Variants in FKBP5 observed in about 807,000 individuals in gnomAD.
FKBP5 encodes the protein peptidyl-prolyl cis-trans isomerase FKBP5.
Under a neutral mutation model 50.5 loss-of-function variants are expected in FKBP5, and 23 were observed. The observed-to-expected ratio is 0.46, with a 90% CI of 0.33 to 0.65. The LOEUF is 0.65. Among genes scored for constraint, FKBP5 ranks in the 30% least tolerant of loss-of-function variants. The probability of loss-of-function intolerance (pLI) is 0.02; values close to 1 mark genes in which losing one functional copy is unlikely to be tolerated. For missense variants in FKBP5, 411 were observed against 553.1 expected, an observed-to-expected ratio of 0.74 and a Z score of 2.58; for synonymous variants, 176 against 190.6, an observed-to-expected ratio of 0.92 and a Z score of 0.63.
chr6:35,586,213 G>A (rs766262012), intron 8 of FKBP5: 9 of 984,812 alleles, frequency 9.1e-6, no homozygotes, highest in Non-Finnish European at 1.1e-5. Flanking sequence ...ATGAAGGGCG[G>A]TTTCTTTTTT....
intron 1 of FKBP5, among the ~76,000 whole-genome samples, chr6:35,682,657 GA>G (rs1414020850): frequency 6.6e-6 from 1 of 151,838 alleles, no homozygotes; most frequent in Non-Finnish European, 1.5e-5. Context: ...CTACAAAAGG[GA>G]AAAAACAACC....
At chr6:35,719,787 A>G (rs1033980932) in intron 2 of FKBP5, among the ~76,000 whole-genome samples, 3 of 152,356 alleles carry the variant, frequency 2.0e-5, no homozygotes, top group Admixed American at 6.5e-5. Context: ...CCATCAGTTC[A>G]ACCCCAAGCT....
At chr6:35,633,533 A>T in intron 3 of FKBP5, among the ~76,000 whole-genome samples, 1 of 127,458 alleles carries the variant, frequency 7.8e-6, no homozygotes. Context: ...ACAGAGTGAG[A>T]TTCCATCTCA....
At chr6:35,717,853 G>C (rs980835424) in intron 2 of FKBP5, among the ~76,000 whole-genome samples, 10 of 152,220 alleles carry the variant, frequency 6.6e-5, no homozygotes, top group Non-Finnish European at 1.5e-4. Context: ...GCTCCAGCCT[G>C]GGCTGGCATG....
chr6:35,687,138 C>T (rs78546045), intron 1 of FKBP5, among the ~76,000 whole-genome samples: 5,399 of 151,644 alleles, frequency 0.036, 303 homozygotes, highest in African/African-American at 0.12. Context: ...TTGTTCTTAA[C>T]TTAAACTTAA....
intron 5 of FKBP5, among the ~76,000 whole-genome samples, chr6:35,616,830 AT>A (rs1763675585): frequency 6.6e-6 from 1 of 152,116 alleles, no homozygotes; most frequent in South Asian, 2.1e-4. Flanking sequence ...TACATTTGAA[AT>A]TTTTCATAAG....
upstream of FKBP5, among the ~76,000 whole-genome samples, chr6:35,693,248 C>T (rs1399100040): frequency 2.7e-5 from 4 of 149,038 alleles, no homozygotes; most frequent in Non-Finnish European, 4.4e-5. Context: ...CTGCAAGCTC[C>T]GCCTTCCAGG....
chr6:35,685,982 C>CAAAAAAAAAAAAAAAAAAAAAA (rs60786619), intron 1 of FKBP5, among the ~76,000 whole-genome samples: 1 of 46,244 alleles, frequency 2.2e-5, no homozygotes. Flanking sequence ...AACGCCATCT[C>CAAAAAAAAAAAAAAAAAAAAAA]AAAAAAAAAA....
intron 5 of FKBP5, among the ~76,000 whole-genome samples, chr6:35,617,073 G>T (rs892371737): frequency 1.3e-5 from 2 of 152,032 alleles, no homozygotes; most frequent in African/African-American, 4.8e-5. Flanking sequence ...GCTGAGGCTG[G>T]AACCCTATCT....
chr6:35,627,062 T>C (rs903614792), intron 3 of FKBP5, among the ~76,000 whole-genome samples: 1 of 152,208 alleles, frequency 6.6e-6, no homozygotes, highest in East Asian at 1.9e-4. Context: ...CATACCGTTT[T>C]CCACAGCAGC....
chr6:35,581,262 A>T, intron 8 of FKBP5: 3 of 465,088 alleles, frequency 6.5e-6, no homozygotes, highest in Non-Finnish European at 5.6e-6. Flanking sequence ...ATATATAAAT[A>T]TAAACATATA....
At chr6:35,721,633 T>C (rs914517187) in intron 1 of FKBP5, among the ~76,000 whole-genome samples, 12 of 152,178 alleles carry the variant, frequency 7.9e-5, no homozygotes, top group African/African-American at 1.2e-4. Context: ...TTTGTATTTT[T>C]AGTAGAGACG....
chr6:35,611,170 T>C (rs994515053), intron 5 of FKBP5, among the ~76,000 whole-genome samples: 1 of 152,186 alleles, frequency 6.6e-6, no homozygotes, highest in African/African-American at 2.4e-5. Context: ...ACTTTACATA[T>C]TCCAGAAATT....
rs571303238 is a variant in FKBP5 at position 35,638,218 on chromosome 6, T to G, written c.106-1060A>C. Among the ~76,000 whole-genome samples the G allele has an allele frequency of 6.0e-4, 91 of 152,362 alleles. 1 individual carries two copies. Among genetic ancestry groups the G allele is most frequent in the African/African-American group, 2.1e-3 (89 of 41,586 alleles). On this transcript the variant is annotated intron_variant, in intron 2 of 10. Transcript: ENST00000357266. ...TAATCTATGCCAAATTAATCATTTTTGGTAGATAACAGAGGATGGTAGCTA... is the reference window on the plus strand; with the variant it reads ...TAATCTATGCCAAATTAATCATTTTGGGTAGATAACAGAGGATGGTAGCTA...
intron 2 of FKBP5, among the ~76,000 whole-genome samples, chr6:35,697,963 GC>G (rs2151017799): frequency 6.6e-6 from 1 of 152,272 alleles, no homozygotes; most frequent in African/African-American, 2.4e-5. Flanking sequence ...CTTACTCCTG[GC>G]TTTAAGCAAC....
chr6:35,692,395 A>C (rs1054272333), upstream of FKBP5, among the ~76,000 whole-genome samples: 2 of 152,216 alleles, frequency 1.3e-5, no homozygotes, highest in African/African-American at 4.8e-5. Flanking sequence ...GAAGTAGCAG[A>C]GCTTGTACTT....
chr6:35,684,721 A>G (rs1357838622), intron 1 of FKBP5, among the ~76,000 whole-genome samples: 1 of 152,092 alleles, frequency 6.6e-6, no homozygotes, highest in Non-Finnish European at 1.5e-5. Context: ...CATTAACCAA[A>G]TGTTTTCCAA....
intron 5 of FKBP5, among the ~76,000 whole-genome samples, chr6:35,618,335 T>C (rs1763720056): frequency 1.3e-5 from 2 of 152,254 alleles, no homozygotes; most frequent in Non-Finnish European, 2.9e-5. Context: ...GTTGAATTAA[T>C]ATTTACTAAA....
chr6:35,646,839 G>T lies in FKBP5; in HGVS notation c.-19-3996C>A, dbSNP rs1269130832. ...TAAGCATACACTCTCCAAAGTGCTAGTCAGCAAACACCTGAGACATAACAG... is the reference window on the plus strand; with the variant it reads ...TAAGCATACACTCTCCAAAGTGCTATTCAGCAAACACCTGAGACATAACAG... On this transcript the variant is annotated intron_variant, in intron 1 of 10. Coordinates refer to ENST00000357266, the MANE Select transcript of FKBP5 (RefSeq NM_004117.4). Among the ~76,000 whole-genome samples, 15 of 152,192 alleles carry T rather than the reference G, an allele frequency of 9.9e-5. No individual in the cohort carries two copies. In the East Asian group the frequency reaches 2.9e-3, roughly 29 times the overall value.
Sources: allele counts gnomAD v4.1 joint callset (sites outside exome capture counted in the v4.1 genomes callset), GRCh38; gene constraint gnomAD v4.1.1; transcripts MANE v1.5; gene names NCBI Gene and HGNC (gene_info 2026-07-23, HGNC 2026-07-21).